Variants in KCNIP4 observed in about 807,000 individuals in gnomAD.
The protein encoded by KCNIP4 is potassium voltage-gated channel interacting protein 4.
KCNIP4 carries 12 observed loss-of-function variants against 34.0 expected under a neutral mutation model. The ratio of observed to expected loss-of-function variants is 0.35; its 90% CI spans 0.23 to 0.57. KCNIP4 has a LOEUF of 0.57. KCNIP4 is among the 20% of genes least tolerant of loss of function. The probability of loss-of-function intolerance (pLI) is 0.83; values close to 1 mark genes in which losing one functional copy is unlikely to be tolerated. For missense variants in KCNIP4, 238 were observed against 311.7 expected (o/e 0.76, Z 1.78); for synonymous variants, 124 against 102.2 (o/e 1.21, Z -1.29).
At chr4:21,868,880 A>T (rs1036082168) in intron 1 of KCNIP4, among the ~76,000 whole-genome samples, 3 of 152,232 alleles carry the variant, frequency 2.0e-5, no homozygotes, top group African/African-American at 7.2e-5. Flanking sequence ...CCACATATTT[A>T]CACGACAGGT....
chr4:21,929,035 A>G (rs1242643287), intron 1 of KCNIP4, among the ~76,000 whole-genome samples: 1 of 152,176 alleles, frequency 6.6e-6, no homozygotes, highest in Non-Finnish European at 1.5e-5. Context: ...ACTTAGGAGG[A>G]GTAAACTATA....
chr4:21,624,403 C>A (rs1745188989), intron 1 of KCNIP4, among the ~76,000 whole-genome samples: 1 of 152,038 alleles, frequency 6.6e-6, no homozygotes, highest in African/African-American at 2.4e-5. Context: ...GAAAATGTCA[C>A]CACAACTCAA....
intron 1 of KCNIP4, among the ~76,000 whole-genome samples, chr4:21,406,099 T>C (rs1213523952): frequency 6.6e-6 from 1 of 152,126 alleles, no homozygotes; most frequent in Non-Finnish European, 1.5e-5. Context: ...CTTCCCAAAG[T>C]GTTAGGATTA....
chr4:21,550,566 T>G (rs1738500376), intron 1 of KCNIP4, among the ~76,000 whole-genome samples: 2 of 152,076 alleles, frequency 1.3e-5, no homozygotes, highest in South Asian at 4.1e-4. Flanking sequence ...TCTCCTCATG[T>G]CATACAATTC....
At chr4:21,870,591 A>G (rs868064147) in intron 1 of KCNIP4, among the ~76,000 whole-genome samples, 1 of 152,218 alleles carries the variant, frequency 6.6e-6, no homozygotes, top group Admixed American at 6.5e-5. Context: ...CAGCTCCCAT[A>G]AAAAGAATTC....
intron 1 of KCNIP4, among the ~76,000 whole-genome samples, chr4:21,295,710 C>A (rs748309845): frequency 6.6e-6 from 1 of 152,070 alleles, no homozygotes; most frequent in Non-Finnish European, 1.5e-5. Context: ...CTCTGACAAC[C>A]CTTTGATAAA....
chr4:20,766,774 T>C (rs1382273841), intron 3 of KCNIP4: 1 of 152,170 alleles, frequency 6.6e-6, no homozygotes, highest in East Asian at 1.9e-4. Flanking sequence ...GTCCATACAA[T>C]AGCTGGTAAT....
intron 1 of KCNIP4, among the ~76,000 whole-genome samples, chr4:21,337,426 A>G (rs1716287558): frequency 6.6e-6 from 1 of 152,094 alleles, no homozygotes; most frequent in African/African-American, 2.4e-5. Flanking sequence ...GGGGTTTGAG[A>G]AATGGAAAGA....
chr4:20,840,135 T>C (rs112586873), intron 3 of KCNIP4, among the ~76,000 whole-genome samples: 2 of 152,316 alleles, frequency 1.3e-5, no homozygotes, highest in African/African-American at 4.8e-5. Flanking sequence ...ATTTTATAAA[T>C]GCTATCACAA....
chr4:21,173,145 A>G (rs2109302076), intron 1 of KCNIP4, among the ~76,000 whole-genome samples: 1 of 152,302 alleles, frequency 6.6e-6, no homozygotes, highest in East Asian at 1.9e-4. Flanking sequence ...TAGGTCAAAC[A>G]TCTGCCTTAA....
chr4:21,283,841 C>T (rs1306985981), intron 1 of KCNIP4, among the ~76,000 whole-genome samples: 1 of 151,652 alleles, frequency 6.6e-6, no homozygotes, highest in Admixed American at 6.6e-5. Context: ...ACTATAAAGA[C>T]ACACACACAA....
chr4:21,727,556 T>C (rs4361375), intron 1 of KCNIP4, among the ~76,000 whole-genome samples: 62,686 of 151,906 alleles, frequency 0.41, 15,156 homozygotes, highest in East Asian at 0.68. Flanking sequence ...TGGCCGGGTG[T>C]GGTGGCTCAT....
intron 1 of KCNIP4, among the ~76,000 whole-genome samples, chr4:21,677,949 G>T (rs1462656765): frequency 6.6e-6 from 1 of 152,044 alleles, no homozygotes; most frequent in Admixed American, 6.6e-5. Flanking sequence ...ACGGGGTTTC[G>T]CCATGTTGAC....
intron 1 of KCNIP4, among the ~76,000 whole-genome samples, chr4:21,636,261 G>A (rs2109220353): frequency 6.7e-6 from 1 of 149,256 alleles, no homozygotes; most frequent in African/African-American, 2.5e-5. Context: ...TGCACAATGT[G>A]CACATGTACC....
intron 1 of KCNIP4, among the ~76,000 whole-genome samples, chr4:21,649,618 G>C (rs942834072): frequency 6.6e-6 from 1 of 152,142 alleles, no homozygotes; most frequent in Non-Finnish European, 1.5e-5. Context: ...GTAATAATTT[G>C]TAATTATTTA....
At chr4:21,321,963 G>A (rs1714511980) in intron 1 of KCNIP4, among the ~76,000 whole-genome samples, 1 of 141,770 alleles carries the variant, frequency 7.1e-6, no homozygotes, top group Admixed American at 7.1e-5. Flanking sequence ...AGAAAAGGAG[G>A]GAAAGAGAAA....
rs144081524 is a variant in KCNIP4, at chr4:20,868,735, G to A, written c.163+13873C>T. Among the ~76,000 whole-genome samples, 173 of 152,120 alleles carry A rather than the reference G, an allele frequency of 1.1e-3. 1 individual carries two copies. The highest frequency in any genetic ancestry group is 2.1e-3 in the Non-Finnish European group (142 of 67,972). Reference sequence around the variant, plus strand: ...CCATAATCCCAAGCAAATTAACATAGGAATAGAAAAACAAATACTGCATGT... The same window carrying A: ...CCATAATCCCAAGCAAATTAACATAAGAATAGAAAAACAAATACTGCATGT... On this transcript the variant is annotated intron_variant, in intron 2 of 8. Transcript: ENST00000382152.
chr4:21,173,278 C>T (rs1200196113), intron 1 of KCNIP4, among the ~76,000 whole-genome samples: 1 of 151,970 alleles, frequency 6.6e-6, no homozygotes, highest in East Asian at 1.9e-4. Flanking sequence ...GAAAAAAAAC[C>T]ACTTTGTAAA....
At chr4:21,242,940 C>A (rs999739116) in intron 1 of KCNIP4, among the ~76,000 whole-genome samples, 4 of 151,522 alleles carry the variant, frequency 2.6e-5, no homozygotes. Flanking sequence ...CTCTGGAGAA[C>A]CCTAACTAGT....
Sources: gnomAD v4.1 joint callset for allele counts (sites outside exome capture counted in the v4.1 genomes callset) on GRCh38, gnomAD v4.1.1 for gene constraint, MANE v1.5 for transcripts, NCBI Gene and HGNC (gene_info 2026-07-23, HGNC 2026-07-21) for gene names.